SMARCC1: variants seen among roughly 807,000 people sequenced by gnomAD.
SMARCC1 encodes SWI/SNF related BAF chromatin remodeling complex subunit C1.
In SMARCC1, 43 loss-of-function variants were observed where a neutral mutation model predicts 147.4. The ratio of observed to expected loss-of-function variants is 0.29; its 90% CI spans 0.23 to 0.38. SMARCC1 has a LOEUF of 0.38. SMARCC1 is among the 10% of genes least tolerant of loss of function. The pLI is 1.00. For synonymous variants in SMARCC1, 495 were observed against 484.4 expected, an observed-to-expected ratio of 1.02 and a Z score of -0.29; for missense variants, 1,119 against 1,381.1, an observed-to-expected ratio of 0.81 and a Z score of 3.01.
intron 16 of SMARCC1, among the ~76,000 whole-genome samples, chr3:47,677,608 G>A (rs913967178): frequency 6.6e-6 from 1 of 151,114 alleles, no homozygotes; most frequent in Admixed American, 6.6e-5. Flanking sequence ...CTGGAATGCA[G>A]TGGGACGATC....
chr3:47,619,466 G>A (rs778372295), intron 25 of SMARCC1, among the ~76,000 whole-genome samples: 1 of 152,242 alleles, frequency 6.6e-6, no homozygotes, highest in Non-Finnish European at 1.5e-5. Flanking sequence ...TGCCACTGCA[G>A]TAAATGTGAA....
intron 26 of SMARCC1, among the ~76,000 whole-genome samples, chr3:47,591,055 T>G (rs568873863): frequency 6.6e-6 from 1 of 152,094 alleles, no homozygotes; most frequent in Non-Finnish European, 1.5e-5. Context: ...AATGACTGAT[T>G]ATTCTAAACA....
At chr3:47,685,638 T>A (rs900582958) in intron 14 of SMARCC1, among the ~76,000 whole-genome samples, 1 of 149,974 alleles carries the variant, frequency 6.7e-6, no homozygotes, top group African/African-American at 2.4e-5. Context: ...AGCAGGTGGA[T>A]CACGAGGTCA....
chr3:47,775,307 C>T (rs2034961725), intron 1 of SMARCC1, among the ~76,000 whole-genome samples: 1 of 150,750 alleles, frequency 6.6e-6, no homozygotes, highest in Non-Finnish European at 1.5e-5. Flanking sequence ...ACTACAGGCG[C>T]CCACCACCAC....
rs763429177 is a variant in SMARCC1 at position 47,670,667 on chromosome 3, T to G, written c.1890A>C (p.Leu630=). 14 of 1,569,006 alleles carry G rather than the reference T, an allele frequency of 8.9e-6. No individual in the cohort carries two copies. The highest frequency in any genetic ancestry group is 1.2e-5 in the Non-Finnish European group (14 of 1,138,758). The part of the protein sequence containing the change: ...GREWTEQETL[L]LLEALEMYKD... The stretch of plus-strand genomic sequence containing the variant: ...GCATTAATCTGCTTACCTCCAGGAG[T>G]AGAAGGGTCTCCTGTTCAGTCCATT... The change falls in exon 19 of 28, where the codon CTA becomes CTC. Residue 630 remains leucine, a synonymous_variant. Coordinates refer to ENST00000254480, the MANE Select transcript of SMARCC1 (RefSeq NM_003074.4).
rs142296206 is a variant in SMARCC1, at chr3:47,668,630, C to T, written c.1899+2028G>A. ...AATCAAAGGGGTGTGCTCAAGAATA[C>T]GATAAATATTTGGAATGCTGCCTGT... On this transcript the variant is annotated intron_variant, in intron 19 of 27. Coordinates refer to ENST00000254480, the MANE Select transcript of SMARCC1 (RefSeq NM_003074.4). Among the ~76,000 whole-genome samples the T allele has an allele frequency of 1.1e-4, 17 of 152,088 alleles. No homozygotes were observed. In the East Asian group the frequency reaches 2.3e-3, roughly 21 times the overall value.
intron 21 of SMARCC1, among the ~76,000 whole-genome samples, chr3:47,643,361 C>T (rs1224582529): frequency 2.0e-5 from 3 of 152,096 alleles, no homozygotes; most frequent in Admixed American, 6.5e-5. Context: ...GCATGTGTAA[C>T]ACAGAAACCA....
intron 11 of SMARCC1, among the ~76,000 whole-genome samples, chr3:47,697,289 C>T (rs1050338984): frequency 2.8e-4 from 42 of 149,000 alleles, no homozygotes; most frequent in African/African-American, 6.4e-4. Flanking sequence ...GGCGAAAGAG[C>T]GAGAGATCCT....
intron 26 of SMARCC1, chr3:47,601,665 T>G (rs2032388375): frequency 6.6e-6 from 1 of 152,366 alleles, no homozygotes; most frequent in South Asian, 2.1e-4. Flanking sequence ...TAATAAAATC[T>G]TGGCTGATGT....
At chr3:47,645,819 T>C (rs566078251) in intron 21 of SMARCC1, among the ~76,000 whole-genome samples, 1 of 152,224 alleles carries the variant, frequency 6.6e-6, no homozygotes, top group Non-Finnish European at 1.5e-5. Context: ...CAAGCCAAAT[T>C]TGAAATCAAT....
chr3:47,588,125 C>A lies in SMARCC1; in HGVS notation c.*84G>T. The A allele has an allele frequency of 5.3e-6, 6 of 1,128,300 alleles. No individual in the cohort carries two copies. Among genetic ancestry groups the A allele is most frequent in the Non-Finnish European group, 6.6e-6 (5 of 763,320 alleles). The allele number at this position is 1,128,300 out of a possible 1,614,324, so 69.9% of individuals were successfully genotyped here. A position where few individuals can be genotyped will look rare whatever the true frequency, so the allele number is the denominator to read the frequency against. On this transcript the variant is annotated 3_prime_UTR_variant, in exon 28 of 28. Transcript: ENST00000254480. ...GTGAGAAGAAAAATCCTGAAAGAAA[C>A]CCAAGAAAGTTGAGGAACACAAGTC...
At chr3:47,591,409 T>TA (rs1461553968) in intron 26 of SMARCC1, among the ~76,000 whole-genome samples, 5 of 134,640 alleles carry the variant, frequency 3.7e-5, no homozygotes, top group South Asian at 2.7e-4. Flanking sequence ...TATGGTTCAT[T>TA]TAAAAAAAAA....
At chr3:47,660,848 G>A (rs1459752037) in intron 21 of SMARCC1, among the ~76,000 whole-genome samples, 2 of 152,080 alleles carry the variant, frequency 1.3e-5, no homozygotes, top group Non-Finnish European at 2.9e-5. Flanking sequence ...AAGCTACTAG[G>A]TTATATACTT....
At chr3:47,690,819 A>G (rs117685591) in intron 12 of SMARCC1, among the ~76,000 whole-genome samples, 3,243 of 152,324 alleles carry the variant, frequency 0.021, 123 homozygotes, top group Admixed American at 0.1. Flanking sequence ...CTAACAAGGA[A>G]TAGGTGATTC....
chr3:47,730,617 G>A (rs931066683), intron 5 of SMARCC1, among the ~76,000 whole-genome samples: 1 of 152,180 alleles, frequency 6.6e-6, no homozygotes, highest in Non-Finnish European at 1.5e-5. Context: ...TGTAATCCCA[G>A]CAGTTTGGGA....
chr3:47,618,319 A>G (rs533731718), intron 25 of SMARCC1, among the ~76,000 whole-genome samples: 82 of 152,100 alleles, frequency 5.4e-4, no homozygotes, highest in African/African-American at 1.9e-3. Context: ...AGGTAGGAGG[A>G]CTGCTTGAGG....
intron 26 of SMARCC1, among the ~76,000 whole-genome samples, chr3:47,596,869 C>T (rs922756165): frequency 6.6e-6 from 1 of 151,810 alleles, no homozygotes; most frequent in Admixed American, 6.6e-5. Flanking sequence ...CTGCAAGTTC[C>T]TTCTTTTTTT....
chr3:47,617,254 T>C (rs1013668257), intron 25 of SMARCC1, among the ~76,000 whole-genome samples: 1 of 152,266 alleles, frequency 6.6e-6, no homozygotes, highest in African/African-American at 2.4e-5. Context: ...CAGTCTGGAA[T>C]GTAAGAAGGG....
In SMARCC1 at chr3:47,686,223, T is replaced by C. The variant is rs1199944635; in HGVS notation, c.1264-53A>G. 6.3e-6 allele frequency: 9 copies of C among 1,421,474 alleles called. No homozygotes were observed. The Admixed American group carries it at 7.1e-5, about 11-fold the overall frequency. The allele number at this position is 1,421,474 out of a possible 1,614,324, so 88.1% of individuals were successfully genotyped here. A position where few individuals can be genotyped will look rare whatever the true frequency, so the allele number is the denominator to read the frequency against. On this transcript the variant is annotated intron_variant, in intron 13 of 27. Transcript: ENST00000254480. ...AAAGAAAGAACTACAGAGAGAGATA[T>C]ATATAACATCTCTTACACTTCAGTT...
Sources: allele counts gnomAD v4.1 joint callset (sites outside exome capture counted in the v4.1 genomes callset), GRCh38; gene constraint gnomAD v4.1.1; transcripts MANE v1.5; gene names NCBI Gene and HGNC (gene_info 2026-07-23, HGNC 2026-07-21).